Variants in ABCA12 observed in about 807,000 individuals in gnomAD.
ABCA12 encodes ATP binding cassette subfamily A member 12.
In ABCA12, 156 loss-of-function variants were observed where a neutral mutation model predicts 293.5. The ratio of observed to expected loss-of-function variants is 0.53; its 90% CI spans 0.47 to 0.61. ABCA12 has a LOEUF of 0.61. Ranked by LOEUF, ABCA12 falls within the 20% of genes least tolerant of loss-of-function variation. The pLI, the probability that ABCA12 is intolerant of heterozygous loss-of-function variation, is 0.00. For missense variants in ABCA12, 2,797 were observed against 3,090.2 expected (o/e 0.91, Z 2.25); for synonymous variants, 1,063 against 1,108.0 (o/e 0.96, Z 0.81).
intron 33 of ABCA12, among the ~76,000 whole-genome samples, chr2:214,976,413 TC>T (rs1699518534): frequency 1.3e-5 from 2 of 152,274 alleles, no homozygotes; most frequent in Admixed American, 6.5e-5. Flanking sequence ...TTACTAATAC[TC>T]AAGAGATAGT....
At chr2:214,953,607 G>C (rs539778039) in intron 44 of ABCA12, among the ~76,000 whole-genome samples, 1 of 152,196 alleles carries the variant, frequency 6.6e-6, no homozygotes, top group Admixed American at 6.5e-5. Flanking sequence ...ATCTATTTAA[G>C]GTTAACAACT....
At chr2:215,093,433 G>T (rs1007786678) in intron 2 of ABCA12, among the ~76,000 whole-genome samples, 1 of 152,004 alleles carries the variant, frequency 6.6e-6, no homozygotes, top group Admixed American at 6.6e-5. Context: ...AACAGCCCTA[G>T]AAGCTGTTCC....
intron 36 of ABCA12, among the ~76,000 whole-genome samples, chr2:214,972,808 C>T (rs1699415935): frequency 6.6e-6 from 1 of 151,748 alleles, no homozygotes; most frequent in Non-Finnish European, 1.5e-5. Context: ...CTGAAGTTAG[C>T]TAAATTAGAT....
intron 17 of ABCA12, among the ~76,000 whole-genome samples, 158 bp downstream of exon 17, chr2:215,011,281 T>A (rs1025924826): frequency 6.6e-6 from 1 of 152,222 alleles, no homozygotes; most frequent in Non-Finnish European, 1.5e-5. Flanking sequence ...TTAATGTATA[T>A]AACATTCTTG....
chr2:214,934,637 A>G (rs1478059233), intron 51 of ABCA12, among the ~76,000 whole-genome samples: 1 of 152,180 alleles, frequency 6.6e-6, no homozygotes, highest in Non-Finnish European at 1.5e-5. Flanking sequence ...TATATTGGCT[A>G]AAGACAGTAG....
chr2:214,974,640 C>T, intron 35 of ABCA12, 138 bp downstream of exon 35: 5 of 820,848 alleles, frequency 6.1e-6, no homozygotes, highest in South Asian at 4.2e-5. Context: ...AGGAGATAGA[C>T]AAAATCTGTT....
intron 36 of ABCA12, among the ~76,000 whole-genome samples, chr2:214,971,490 C>G (rs1407022215): frequency 6.6e-6 from 1 of 152,136 alleles, no homozygotes. Flanking sequence ...ACCTCAGAAG[C>G]CCCCTCATCA....
Position 215,000,949 on chromosome 2 carries a change from G to A in ABCA12, c.2935C>T (p.Pro979Ser). The part of the protein sequence containing the change: ...GYDSGNVFLP[P>S]VIKYTIRMSL... ...ATCCGGATGGTATATTTTATGACAG[G>A]AGGAAGAAAGACATTTCCAGAGTCA... The change falls in exon 22 of 53, where the codon CCT becomes TCT. Residue 979 changes from proline to serine, a missense_variant. By Grantham distance (74) the Pro-to-Ser change is moderately conservative. Coordinates refer to ENST00000272895, the MANE Select transcript of ABCA12 (RefSeq NM_173076.3). 2 of 1,613,982 alleles carry A rather than the reference G, an allele frequency of 1.2e-6. No homozygotes were observed. Among genetic ancestry groups the A allele is most frequent in the Non-Finnish European group, 1.7e-6 (2 of 1,179,966 alleles).
At chr2:214,988,878 T>A (rs1018844865) in intron 26 of ABCA12, among the ~76,000 whole-genome samples, 11 of 151,884 alleles carry the variant, frequency 7.2e-5, no homozygotes, top group African/African-American at 2.7e-4. Context: ...GATTTTTTTT[T>A]AATTAAAAAA....
At chr2:215,081,355 G>C (rs1053590820) in intron 2 of ABCA12, among the ~76,000 whole-genome samples, 2 of 151,866 alleles carry the variant, frequency 1.3e-5, no homozygotes, top group African/African-American at 4.8e-5. Context: ...GTGCACGCCT[G>C]TAGTCCCAGC....
At chr2:215,005,688 C>A (rs991878659) in intron 19 of ABCA12, among the ~76,000 whole-genome samples, 2 of 152,196 alleles carry the variant, frequency 1.3e-5, no homozygotes, top group South Asian at 2.1e-4. Flanking sequence ...TATTTCAATT[C>A]TCCCATCACT....
At position 214,970,448 on chromosome 2, in the gene ABCA12, A is replaced by G. The variant is rs377598731; in HGVS notation, c.5563-48T>C. ...AATTTTTTTCTGGCCAATGCTGTGC[A>G]AGTTAAATAGACAATGTCAAGGAGC... On this transcript the variant is annotated intron_variant, in intron 36 of 52. Coordinates refer to ENST00000272895, the MANE Select transcript of ABCA12 (RefSeq NM_173076.3). The G allele has an allele frequency of 5.6e-6, 9 of 1,607,272 alleles. No individual in the cohort carries two copies. In the African/African-American group the frequency reaches 9.4e-5, roughly 17 times the overall value.
At chr2:214,971,151 T>C (rs1209101338) in intron 36 of ABCA12, among the ~76,000 whole-genome samples, 2 of 152,248 alleles carry the variant, frequency 1.3e-5, no homozygotes, top group East Asian at 1.9e-4. Flanking sequence ...TTCATTGCAA[T>C]GAAGTTTAGT....
At chr2:215,050,261 G>A (rs893894234) in intron 5 of ABCA12, among the ~76,000 whole-genome samples, 1 of 152,132 alleles carries the variant, frequency 6.6e-6, no homozygotes, top group African/African-American at 2.4e-5. Flanking sequence ...TCTATTCCTA[G>A]GATGAACAGT....
intron 1 of ABCA12, among the ~76,000 whole-genome samples, chr2:215,132,416 C>A (rs1186862962): frequency 6.6e-6 from 1 of 151,734 alleles, no homozygotes; most frequent in African/African-American, 2.4e-5. Context: ...AAGCTGGGTG[C>A]TTCCGTATTG....
At chr2:215,075,567 A>G (rs1701818717) in intron 2 of ABCA12, 2 of 700,420 alleles carry the variant, frequency 2.9e-6, no homozygotes, top group Non-Finnish European at 5.2e-6. Flanking sequence ...CAGGAAAAAA[A>G]AAAAATCTGG....
rs1202355278 is a variant in ABCA12 at position 214,943,006 on chromosome 2, C to T, written c.7355G>A (p.Cys2452Tyr). 6.2e-7 allele frequency: 1 copy of T among 1,613,124 alleles called. No individual in the cohort carries two copies. The highest frequency in any genetic ancestry group is 8.5e-7 in the Non-Finnish European group (1 of 1,179,700). Reference sequence around the variant, plus strand: ...GGCCAACCTGGTACAGAGAGCTTCACATTCTTCCATGCTAAAAGACAAAGC... The same window carrying T: ...GGCCAACCTGGTACAGAGAGCTTCATATTCTTCCATGCTAAAAGACAAAGC... ...VILTSHSMEECEALCTRLAIM... is the reference protein window; with the variant it reads ...VILTSHSMEEYEALCTRLAIM... The change falls in exon 50 of 53, where the codon TGT (cysteine) becomes TAT (tyrosine). Residue 2452 changes from cysteine (C) to tyrosine (Y), a missense_variant. By Grantham distance (194) the Cys-to-Tyr change is radical. Around this residue, in one of 3 missense-constraint regions of ABCA12, gnomAD observed 2,130 missense variants for 2,427.0 expected, o/e 0.88. Coordinates refer to ENST00000272895, the MANE Select transcript of ABCA12 (RefSeq NM_173076.3).
At position 214,954,145 on chromosome 2, in the gene ABCA12, G is replaced by C. The variant is rs201405054; in HGVS notation, c.6394-38C>G. ...AAATAAAAATAAAACTCAGTGTTAA[G>C]TTTCCAAAAAGCTGACAAAAATTTA... is the stretch of plus-strand genomic sequence containing the variant. On this transcript the variant is annotated intron_variant, in intron 43 of 52. Coordinates refer to ENST00000272895, the MANE Select transcript of ABCA12 (RefSeq NM_173076.3). 6.8e-6 allele frequency: 11 copies of C among 1,606,948 alleles called. No individual in the cohort carries two copies. The Admixed American group carries it at 1.7e-4, about 24-fold the overall frequency.
At chr2:215,027,579 T>C (rs1665138182) in intron 9 of ABCA12, among the ~76,000 whole-genome samples, 1 of 152,228 alleles carries the variant, frequency 6.6e-6, no homozygotes, top group Non-Finnish European at 1.5e-5. Flanking sequence ...GGTAAAATAC[T>C]GGACTCCCAG....
Sources: gnomAD v4.1 joint callset for allele counts (sites outside exome capture counted in the v4.1 genomes callset) on GRCh38, gnomAD v4.1.1 for gene constraint, gnomAD v4.1.1 regional missense constraint, MANE v1.5 for transcripts, NCBI Gene and HGNC (gene_info 2026-07-23, HGNC 2026-07-21) for gene names.